Variants in VPS8 observed in about 807,000 individuals in gnomAD.
The protein encoded by VPS8 is VPS8 subunit of CORVET complex.
VPS8 carries 129 observed loss-of-function variants against 216.4 expected under a neutral mutation model. The ratio of observed to expected loss-of-function variants is 0.60; its 90% CI spans 0.52 to 0.69. VPS8 has a LOEUF of 0.69. Among genes scored for constraint, VPS8 ranks in the 30% least tolerant of loss-of-function variants. VPS8 has a pLI of 0.00. For missense variants in VPS8, 1,531 were observed against 1,683.5 expected (o/e 0.91, Z 1.59); for synonymous variants, 571 against 565.4 (o/e 1.01, Z -0.14).
At chr3:185,009,254 TAAG>T (rs1754667222) in intron 45 of VPS8, among the ~76,000 whole-genome samples, 3 of 152,198 alleles carry the variant, frequency 2.0e-5, no homozygotes, top group Admixed American at 6.5e-5. Context: ...GATAAGGACA[TAAG>T]AAATTCTGTT....
chr3:184,999,082 A>T (rs1753038441), intron 44 of VPS8, among the ~76,000 whole-genome samples: 1 of 150,426 alleles, frequency 6.6e-6, no homozygotes, highest in South Asian at 2.1e-4. Context: ...TTTGAGACAG[A>T]GTTTTGCTCT....
At chr3:184,851,465 A>ATGTG (rs10657242) in intron 10 of VPS8, among the ~76,000 whole-genome samples, 34,116 of 150,956 alleles carry the variant, frequency 0.23, 4,663 homozygotes, top group East Asian at 0.63. Context: ...ATGGATATTT[A>ATGTG]TGTGTGTGTG....
At chr3:185,037,346 A>T (rs76917898) in intron 46 of VPS8, among the ~76,000 whole-genome samples, 1,655 of 151,770 alleles carry the variant, frequency 0.011, 31 homozygotes, top group African/African-American at 0.037. Flanking sequence ...ATTACTAGTC[A>T]TTTTTCTCTT....
chr3:185,024,471 C>G, intron 46 of VPS8, 82 bp downstream of exon 46: 1 of 1,391,130 alleles, frequency 7.2e-7, no homozygotes, highest in Non-Finnish European at 9.9e-7. Context: ...CTCAACATGG[C>G]AATGATTTTT....
chr3:184,823,922 T>C (rs1718157668), intron 1 of VPS8, among the ~76,000 whole-genome samples: 1 of 152,240 alleles, frequency 6.6e-6, no homozygotes, highest in Admixed American at 6.5e-5. Flanking sequence ...AAAATGTCCA[T>C]GTTTCTCTGT....
At chr3:184,820,455 C>A (rs886799469) in intron 1 of VPS8, among the ~76,000 whole-genome samples, 7 of 152,224 alleles carry the variant, frequency 4.6e-5, no homozygotes, top group Admixed American at 3.3e-4. Context: ...TCCGGAATAA[C>A]CTTCCTGTCA....
intron 2 of VPS8, chr3:184,825,041 G>C (rs1430835326): frequency 2.5e-6 from 1 of 403,002 alleles, no homozygotes; most frequent in Non-Finnish European, 4.6e-6. Context: ...AAGTAGCTGG[G>C]ACCACAGGTG....
intron 36 of VPS8, among the ~76,000 whole-genome samples, chr3:184,947,243 A>T (rs1319046552): frequency 6.6e-6 from 1 of 152,054 alleles, no homozygotes; most frequent in Non-Finnish European, 1.5e-5. Context: ...CCACATTTTC[A>T]TTGTTTTTAA....
intron 5 of VPS8, among the ~76,000 whole-genome samples, chr3:184,838,385 T>G (rs192485218): frequency 6.6e-6 from 1 of 152,314 alleles, no homozygotes; most frequent in African/African-American, 2.4e-5. Context: ...TTTGACCCCA[T>G]AGTACTTATA....
At chr3:184,965,964 ACAC>A (rs1747338178) in intron 38 of VPS8, among the ~76,000 whole-genome samples, 1 of 152,188 alleles carries the variant, frequency 6.6e-6, no homozygotes, top group East Asian at 1.9e-4. Flanking sequence ...CCAGTATATT[ACAC>A]CCCTTTTACT....
At chr3:185,039,740 C>T (rs1188173825) in intron 46 of VPS8, among the ~76,000 whole-genome samples, 1 of 152,012 alleles carries the variant, frequency 6.6e-6, no homozygotes, top group Non-Finnish European at 1.5e-5. Flanking sequence ...CTGCATGCTA[C>T]CTCATGGGTC....
chr3:185,044,869 G>T (rs1361676166), intron 46 of VPS8, among the ~76,000 whole-genome samples: 2 of 152,164 alleles, frequency 1.3e-5, no homozygotes, highest in African/African-American at 4.8e-5. Flanking sequence ...TGAAGAGTCA[G>T]GTTCAATCTG....
At chr3:184,910,213 A>T (rs1353265411) in intron 25 of VPS8, among the ~76,000 whole-genome samples, 2 of 148,234 alleles carry the variant, frequency 1.3e-5, no homozygotes, top group African/African-American at 5.0e-5. Context: ...GGCTCACTGC[A>T]AGCTCCGCCT....
intron 39 of VPS8, among the ~76,000 whole-genome samples, chr3:184,970,728 T>G (rs1478750977): frequency 6.6e-6 from 1 of 152,164 alleles, no homozygotes; most frequent in Admixed American, 6.5e-5. Flanking sequence ...GTGGTTTTTA[T>G]GGAAGGGACT....
At chr3:184,848,569 T>G (rs1270018679) in intron 8 of VPS8, among the ~76,000 whole-genome samples, 1 of 142,552 alleles carries the variant, frequency 7.0e-6, no homozygotes, top group Non-Finnish European at 1.5e-5. Context: ...GTATTCTTTT[T>G]TTTTTTTTTT....
At chr3:184,838,509 A>G (rs1410518997) in intron 5 of VPS8, among the ~76,000 whole-genome samples, 1 of 152,194 alleles carries the variant, frequency 6.6e-6, no homozygotes, top group Non-Finnish European at 1.5e-5. Context: ...TATACTTAGT[A>G]AAATAAAACA....
At chr3:185,032,140 G>A (rs1018938202) in intron 46 of VPS8, among the ~76,000 whole-genome samples, 1 of 151,978 alleles carries the variant, frequency 6.6e-6, no homozygotes, top group Admixed American at 6.6e-5. Flanking sequence ...CTCTAGCCTG[G>A]ACAACAGAGC....
chr3:185,051,250 C>T (rs1577297394), intron 47 of VPS8, among the ~76,000 whole-genome samples: 1 of 152,088 alleles, frequency 6.6e-6, no homozygotes, highest in African/African-American at 2.4e-5. Flanking sequence ...ACTGACAGAA[C>T]GAGGGTACTG....
chr3:185,026,568 C>T (rs1326684751), intron 46 of VPS8, among the ~76,000 whole-genome samples: 4 of 151,844 alleles, frequency 2.6e-5, no homozygotes, highest in East Asian at 1.9e-4. Context: ...CGCACCACCA[C>T]ACCCAGCCAG....
Sources: allele counts gnomAD v4.1 joint callset (sites outside exome capture counted in the v4.1 genomes callset), GRCh38; gene constraint gnomAD v4.1.1; transcripts MANE v1.5; gene names NCBI Gene and HGNC (gene_info 2026-07-23, HGNC 2026-07-21).